The following ST3GAL3 variants were observed in gnomAD, a reference collection of about 807,000 sequenced individuals.
The protein encoded by ST3GAL3 is ST3 beta-galactoside alpha-2,3-sialyltransferase 3.
ST3GAL3 carries 21 observed loss-of-function variants against 50.1 expected under a neutral mutation model. The observed-to-expected ratio is 0.42, with a 90% CI of 0.30 to 0.60. ST3GAL3 has a LOEUF of 0.60. ST3GAL3 is among the 20% of genes least tolerant of loss of function. The pLI, the probability that ST3GAL3 is intolerant of heterozygous loss-of-function variation, is 0.19. For missense variants in ST3GAL3, 353 were observed against 489.4 expected (o/e 0.72, Z 2.63); for synonymous variants, 183 against 190.0 (o/e 0.96, Z 0.30).
intron 4 of ST3GAL3, among the ~76,000 whole-genome samples, chr1:43,827,330 A>G (rs2062941307): frequency 6.6e-6 from 1 of 152,220 alleles, no homozygotes; most frequent in Admixed American, 6.5e-5. Context: ...TGTCATTTAC[A>G]TTAGTGCCAA....
intron 5 of ST3GAL3, among the ~76,000 whole-genome samples, chr1:43,892,681 A>G (rs928818321): frequency 6.6e-6 from 1 of 152,216 alleles, no homozygotes; most frequent in South Asian, 2.1e-4. Context: ...TGTCGAGATC[A>G]TTTGGCTAGA....
rs554313168 is a variant in ST3GAL3 at position 43,812,522 on chromosome 1, C to T, written c.167-2369C>T. Among the ~76,000 whole-genome samples the T allele has an allele frequency of 3.2e-4, 49 of 152,338 alleles. No homozygotes were observed. In the South Asian group the frequency reaches 9.9e-3, roughly 31 times the overall value. ...TGTTGCCCAGGCTAGGGTGCAGTGGCGTGATCACAGCTCACTGCAGCCTCG... is the reference window on the plus strand; with the variant it reads ...TGTTGCCCAGGCTAGGGTGCAGTGGTGTGATCACAGCTCACTGCAGCCTCG... On this transcript the variant is annotated intron_variant, in intron 3 of 11. Coordinates refer to ENST00000347631, the MANE Select transcript of ST3GAL3 (RefSeq NM_006279.5).
At chr1:43,798,235 C>A (rs938524715) in intron 3 of ST3GAL3, among the ~76,000 whole-genome samples, 5 of 152,186 alleles carry the variant, frequency 3.3e-5, no homozygotes, top group African/African-American at 1.2e-4. Context: ...CTTCTCTTCC[C>A]TAGACTAGAA....
chr1:43,896,432 T>C (rs2077396387), intron 6 of ST3GAL3, among the ~76,000 whole-genome samples: 1 of 152,142 alleles, frequency 6.6e-6, no homozygotes, highest in Non-Finnish European at 1.5e-5. Context: ...GCTGAAGAAA[T>C]AAAACATGAG....
In ST3GAL3 at chr1:43,899,131, GCT is replaced by G. The variant is rs2077837850; in HGVS notation, c.462-32_462-31del. Reference sequence around the variant, plus strand: ...AGCAGGGAAAGAGACCTGGTGGGCAGCTCTCTGTACAGAGGTCTCCGCCTCTC... The same window carrying G: ...AGCAGGGAAAGAGACCTGGTGGGCAGCTCTGTACAGAGGTCTCCGCCTCTC... On this transcript the variant is annotated intron_variant, in intron 7 of 11. Coordinates refer to ENST00000347631, the MANE Select transcript of ST3GAL3 (RefSeq NM_006279.5). The surrounding 1 kb of genome is among the most constrained non-coding windows in gnomAD (Gnocchi z 5.4). 6.2e-7 allele frequency: 1 copy of G among 1,613,510 alleles called. No individual in the cohort carries two copies. The highest frequency in any genetic ancestry group is 1.3e-5 in the African/African-American group (1 of 74,926).
chr1:43,923,489 T>C (rs766893853), intron 11 of ST3GAL3, among the ~76,000 whole-genome samples: 1 of 152,164 alleles, frequency 6.6e-6, no homozygotes, highest in Non-Finnish European at 1.5e-5. Context: ...TCCTGGAGGC[T>C]GGGAAGTGCA....
At chr1:43,814,745 T>TA (rs1371160360) in intron 3 of ST3GAL3, 146 bp from the exon 4 acceptor site, 1 of 814,466 alleles carries the variant, frequency 1.2e-6, no homozygotes, top group Non-Finnish European at 2.2e-6. Context: ...TTTTGTGGTT[T>TA]ATGTATTTAG....
chr1:43,825,444 TCTC>T (rs995873733), intron 4 of ST3GAL3, among the ~76,000 whole-genome samples: 1 of 152,224 alleles, frequency 6.6e-6, no homozygotes, highest in African/African-American at 2.4e-5. Context: ...TCTTTTAAAA[TCTC>T]AGCCAATTGA....
chr1:43,890,895 A>G (rs935995876), intron 5 of ST3GAL3, among the ~76,000 whole-genome samples: 1 of 152,092 alleles, frequency 6.6e-6, no homozygotes, highest in Non-Finnish European at 1.5e-5. Flanking sequence ...GAACATGCTC[A>G]ACAATATCCG....
intron 2 of ST3GAL3, among the ~76,000 whole-genome samples, chr1:43,778,370 A>G (rs1357334189): frequency 2.0e-5 from 3 of 152,138 alleles, no homozygotes; most frequent in African/African-American, 4.8e-5. Context: ...CATGGCACAC[A>G]TTTACCTCTT....
At chr1:43,867,530 G>T (rs1243312063) in intron 5 of ST3GAL3, among the ~76,000 whole-genome samples, 1 of 152,210 alleles carries the variant, frequency 6.6e-6, no homozygotes, top group Non-Finnish European at 1.5e-5. Flanking sequence ...CAGAGTTAAA[G>T]TGGGAGTTAT....
At chr1:43,855,426 A>G (rs2068153182) in intron 5 of ST3GAL3, among the ~76,000 whole-genome samples, 1 of 152,108 alleles carries the variant, frequency 6.6e-6, no homozygotes, top group Non-Finnish European at 1.5e-5. Context: ...CCTGACCAAC[A>G]TGGCGAAACC....
chr1:43,899,273 C>G lies in ST3GAL3; in HGVS notation c.557+10C>G. On this transcript the variant is annotated intron_variant, in intron 8 of 11. Coordinates refer to ENST00000347631, the MANE Select transcript of ST3GAL3 (RefSeq NM_006279.5). This position sits in a 1 kb window ranked among gnomAD's most constrained non-coding sequence, Gnocchi z 5.4. ...ATGACATTGTGGTGAGGTGAGCTCC[C>G]CAAAATGGCACCTCGGGTGAGTGTC... 6.2e-7 allele frequency: 1 copy of G among 1,614,204 alleles called. No homozygotes were observed. Among genetic ancestry groups the G allele is most frequent in the Non-Finnish European group, 8.5e-7 (1 of 1,180,032 alleles).
chr1:43,857,502 T>TTCCCTCTTC (rs1558603463), intron 5 of ST3GAL3, among the ~76,000 whole-genome samples: 1 of 109,960 alleles, frequency 9.1e-6, no homozygotes, highest in African/African-American at 3.3e-5. Flanking sequence ...CTTCCTTCCC[T>TTCCCTCTTC]CTTCCTTCCT....
chr1:43,758,220 A>T (rs1367635111), intron 2 of ST3GAL3, among the ~76,000 whole-genome samples: 2 of 145,486 alleles, frequency 1.4e-5, no homozygotes, highest in African/African-American at 4.9e-5. Flanking sequence ...TTATAAAAAC[A>T]GAAGAATGGA....
chr1:43,806,046 C>T (rs891061084), intron 3 of ST3GAL3, among the ~76,000 whole-genome samples: 12 of 152,016 alleles, frequency 7.9e-5, no homozygotes, highest in African/African-American at 2.9e-4. Context: ...GAATACTTTT[C>T]TAAAAGAGGG....
At chr1:43,922,926 C>T (rs2083300826) in intron 11 of ST3GAL3, among the ~76,000 whole-genome samples, 3 of 151,748 alleles carry the variant, frequency 2.0e-5, no homozygotes, top group Admixed American at 6.6e-5. Context: ...ACGGTGAAAC[C>T]GCATCTCTAC....
intron 5 of ST3GAL3, among the ~76,000 whole-genome samples, chr1:43,859,317 G>A (rs1281452138): frequency 6.6e-6 from 1 of 152,076 alleles, no homozygotes; most frequent in Non-Finnish European, 1.5e-5. Flanking sequence ...GACAACTTCC[G>A]AACATAGTTT....
At chr1:43,873,480 A>C (rs2073434537) in intron 5 of ST3GAL3, among the ~76,000 whole-genome samples, 1 of 152,190 alleles carries the variant, frequency 6.6e-6, no homozygotes, top group South Asian at 2.1e-4. Context: ...ATCCAAGTGT[A>C]GCTATCAAGA....
Sources: allele counts gnomAD v4.1 joint callset (sites outside exome capture counted in the v4.1 genomes callset), GRCh38; gene constraint gnomAD v4.1.1; non-coding constraint Gnocchi (gnomAD v3.1); transcripts MANE v1.5; gene names NCBI Gene and HGNC (gene_info 2026-07-23, HGNC 2026-07-21).